The following BCAR3 variants were observed in gnomAD, a reference collection of about 807,000 sequenced individuals.
BCAR3 encodes breast cancer anti-estrogen resistance protein 3.
BCAR3 carries 37 observed loss-of-function variants against 80.1 expected under a neutral mutation model. The observed-to-expected ratio is 0.46, with a 90% CI of 0.36 to 0.61. The LOEUF is 0.61. Ranked by LOEUF, BCAR3 falls within the 20% of genes least tolerant of loss-of-function variation. The pLI, the probability that BCAR3 is intolerant of heterozygous loss-of-function variation, is 0.00. For synonymous variants in BCAR3, 389 were observed against 418.9 expected (o/e 0.93, Z 0.87); for missense variants, 978 against 1,068.2 (o/e 0.92, Z 1.18).
chr1:93,709,065 A>G (rs1649925172), intron 2 of BCAR3, among the ~76,000 whole-genome samples: 1 of 152,144 alleles, frequency 6.6e-6, no homozygotes, highest in Non-Finnish European at 1.5e-5. Flanking sequence ...GCGATAAGCT[A>G]AGTAGGCTTT....
chr1:93,585,816 G>A (rs546836687), intron 5 of BCAR3, among the ~76,000 whole-genome samples: 13 of 152,242 alleles, frequency 8.5e-5, no homozygotes, highest in African/African-American at 3.1e-4. Flanking sequence ...ATGGCTCACT[G>A]CAGCTTCAAC....
chr1:93,584,849 C>T (rs949012138), intron 5 of BCAR3: 2 of 433,314 alleles, frequency 4.6e-6, no homozygotes, highest in African/African-American at 2.2e-5. Context: ...CAGCACCAAG[C>T]ACCAGAATCT....
At chr1:93,699,454 C>T (rs1400869298) in intron 3 of BCAR3, among the ~76,000 whole-genome samples, 2 of 151,900 alleles carry the variant, frequency 1.3e-5, no homozygotes, top group Admixed American at 6.6e-5. Context: ...ACCCCAACCT[C>T]GAGGATTTCT....
chr1:93,685,373 A>ATG (rs1239590248), upstream of BCAR3, among the ~76,000 whole-genome samples: 1 of 148,008 alleles, frequency 6.8e-6, no homozygotes, highest in Non-Finnish European at 1.5e-5. Flanking sequence ...GTGTGTGTGT[A>ATG]TGTGTGTGTG....
At chr1:93,833,307 G>A (rs1191410395) in intron 2 of BCAR3, among the ~76,000 whole-genome samples, 1 of 152,146 alleles carries the variant, frequency 6.6e-6, no homozygotes, top group Non-Finnish European at 1.5e-5. Flanking sequence ...GCAAATGGGA[G>A]TAGAGCAAGA....
At chr1:93,764,495 C>A (rs998145478) in intron 2 of BCAR3, among the ~76,000 whole-genome samples, 15 of 152,118 alleles carry the variant, frequency 9.9e-5, no homozygotes, top group African/African-American at 3.6e-4. Flanking sequence ...CAGAGTCTAC[C>A]CTTGTGATAT....
chr1:93,758,914 CA>C (rs1262416714), intron 2 of BCAR3, among the ~76,000 whole-genome samples: 2 of 152,220 alleles, frequency 1.3e-5, no homozygotes, highest in East Asian at 3.8e-4. Context: ...CTCAGGCCAT[CA>C]GGGGGCTGGT....
intron 10 of BCAR3, 124 bp downstream of exon 10, chr1:93,567,616 G>A: frequency 7.1e-7 from 1 of 1,400,538 alleles, no homozygotes; most frequent in East Asian, 2.3e-5. Flanking sequence ...GCTGTCATCT[G>A]ATAAAAGCCC....
At chr1:93,842,147 C>T (rs1376122803) in intron 2 of BCAR3, among the ~76,000 whole-genome samples, 1 of 70,222 alleles carries the variant, frequency 1.4e-5, no homozygotes, top group Non-Finnish European at 2.7e-5. Flanking sequence ...TACCTGTCAT[C>T]CTTTTTTTTT....
intron 2 of BCAR3, among the ~76,000 whole-genome samples, chr1:93,655,981 G>A (rs1005877710): frequency 2.0e-5 from 3 of 152,102 alleles, no homozygotes; most frequent in Admixed American, 6.5e-5. Flanking sequence ...TTCCTTCTTC[G>A]TGCAGGACAT....
chr1:93,707,516 C>A (rs955390932), intron 2 of BCAR3, among the ~76,000 whole-genome samples: 3 of 152,032 alleles, frequency 2.0e-5, no homozygotes, highest in African/African-American at 7.3e-5. Context: ...TCAAGACCAG[C>A]CTGGCCAACA....
intron 7 of BCAR3, among the ~76,000 whole-genome samples, chr1:93,579,951 A>G (rs527301380): frequency 6.6e-6 from 1 of 152,354 alleles, no homozygotes; most frequent in South Asian, 2.1e-4. Context: ...ATAACTTCGC[A>G]AATTGCGTGA....
At chr1:93,577,111 G>A (rs986974482) in intron 7 of BCAR3, among the ~76,000 whole-genome samples, 1 of 152,206 alleles carries the variant, frequency 6.6e-6, no homozygotes, top group Non-Finnish European at 1.5e-5. Context: ...CTATGATCAT[G>A]TCACTGTACT....
rs565892470 is a variant in BCAR3, at chr1:93,644,433, G to C, written c.318-2090C>G. On this transcript the variant is annotated intron_variant, in intron 2 of 11. Coordinates refer to ENST00000260502, the MANE Select transcript of BCAR3 (RefSeq NM_003567.4). Reference sequence around the variant, plus strand: ...CAGAAAATGTTTAAATTCACCTACAGCCTGGAAGCCCCTGCTTTGAGTTGT... The same window carrying C: ...CAGAAAATGTTTAAATTCACCTACACCCTGGAAGCCCCTGCTTTGAGTTGT... 2.6e-5 allele frequency among the ~76,000 whole-genome samples: 4 copies of C among 152,222 alleles called. No homozygotes were observed. The East Asian group carries it at 7.7e-4, about 29-fold the overall frequency.
At chr1:93,729,261 A>T (rs1240800052) in intron 2 of BCAR3, among the ~76,000 whole-genome samples, 1 of 152,138 alleles carries the variant, frequency 6.6e-6, no homozygotes, top group East Asian at 1.9e-4. Context: ...ATCATAGCTT[A>T]GCCTTGCCTC....
intron 4 of BCAR3, among the ~76,000 whole-genome samples, chr1:93,591,217 G>A (rs6692801): frequency 0.35 from 48,863 of 141,484 alleles, 11,263 homozygotes; most frequent in African/African-American, 0.67. Context: ...ACTCATGCCT[G>A]TAATCCCAGC....
chr1:93,621,799 A>G (rs1391506083), intron 3 of BCAR3, among the ~76,000 whole-genome samples: 3 of 152,186 alleles, frequency 2.0e-5, no homozygotes, highest in African/African-American at 7.2e-5. Flanking sequence ...AGAAGCCTGC[A>G]GCCGTCACAG....
At chr1:93,846,777 C>A in intron 1 of BCAR3, 1 of 445,332 alleles carries the variant, frequency 2.2e-6, no homozygotes, top group South Asian at 1.6e-5. Flanking sequence ...TGCGCGGCGT[C>A]CTTGGAGGCA....
chr1:93,846,339 C>G (rs1465091879), intron 1 of BCAR3, among the ~76,000 whole-genome samples: 1 of 152,216 alleles, frequency 6.6e-6, no homozygotes, highest in African/African-American at 2.4e-5. Context: ...GCCGAGAAAG[C>G]GCGCCCAGCG....
Sources: gnomAD v4.1 joint callset for allele counts (sites outside exome capture counted in the v4.1 genomes callset) on GRCh38, gnomAD v4.1.1 for gene constraint, MANE v1.5 for transcripts, NCBI Gene and HGNC (gene_info 2026-07-23, HGNC 2026-07-21) for gene names.